The following EIF4ENIF1 variants were observed in gnomAD, a reference collection of about 807,000 sequenced individuals.
EIF4ENIF1 encodes the protein eukaryotic translation initiation factor 4E transporter.
Under a neutral mutation model 110.5 loss-of-function variants are expected in EIF4ENIF1, and 23 were observed. That is an observed-to-expected ratio of 0.21 (90% CI 0.15 to 0.29). The LOEUF (loss-of-function observed/expected upper bound fraction) is 0.29, where lower values mean the gene tolerates loss of function less well. EIF4ENIF1 is among the 10% of genes least tolerant of loss of function. EIF4ENIF1 has a pLI of 1.00. For synonymous variants in EIF4ENIF1, 440 were observed against 437.0 expected (o/e 1.01, Z -0.09); for missense variants, 1,031 against 1,221.1 (o/e 0.84, Z 2.32).
chr22:31,463,879 G>A lies in EIF4ENIF1; in HGVS notation c.387C>T (p.Ala129=), dbSNP rs200282990. The A allele has an allele frequency of 9.9e-6, 16 of 1,614,116 alleles. No individual in the cohort carries two copies. The highest frequency in any genetic ancestry group is 1.3e-5 in the African/African-American group (1 of 75,032). Residue 129 remains alanine (A), a synonymous_variant, in exon 5 of 19, where the codon GCC becomes GCT. Transcript: ENST00000330125. ...RSFGGGCHVT[A]AVSSRRSGSP... ...TTCCTGAGCGCCGGGAGCTAACAGC[G>A]GCTGTCACGTGGCAGCCCCCTCCAA...
In EIF4ENIF1 at chr22:31,488,705, C is replaced by T. The variant is rs754248544; in HGVS notation, c.14G>A (p.Ser5Asn). 2.5e-6 allele frequency: 4 copies of T among 1,614,134 alleles called. No homozygotes were observed. Among genetic ancestry groups the T allele is most frequent in the South Asian group, 1.1e-5 (1 of 91,088 alleles). Residue 5 changes from serine to asparagine, a missense_variant, in exon 2 of 19, where the codon AGT becomes AAT. By Grantham distance (46) the Ser-to-Asn change is conservative (BLOSUM62 1). Coordinates refer to ENST00000330125, the MANE Select transcript of EIF4ENIF1 (RefSeq NM_019843.4). MDRR[S>N]MGETESGDAF... ...ATCTCCACTTTCTGTTTCACCCATA[C>T]TTCTCCTATCCATGGCTCCTTGGTC...
intron 14 of EIF4ENIF1, among the ~76,000 whole-genome samples, chr22:31,445,903 C>G (rs1028036367): frequency 3.3e-5 from 5 of 150,996 alleles, no homozygotes; most frequent in Middle Eastern, 3.2e-3. Flanking sequence ...TTTGAGTAAG[C>G]CATGTTTTAA....
chr22:31,440,158 GAAGGA>G (rs2050248026), intron 18 of EIF4ENIF1, 37 bp from the exon 19 acceptor site: 1 of 1,613,758 alleles, frequency 6.2e-7, no homozygotes, highest in African/African-American at 1.3e-5. Flanking sequence ...CACAGCATGA[GAAGGA>G]AAGTTTATTA....
upstream of EIF4ENIF1, among the ~76,000 whole-genome samples, chr22:31,490,545 C>T (rs2045207243): frequency 6.6e-6 from 1 of 152,194 alleles, no homozygotes. Flanking sequence ...CTAACAAATT[C>T]ATTGAAATGT....
intron 2 of EIF4ENIF1, among the ~76,000 whole-genome samples, chr22:31,486,962 T>C (rs1324352113): frequency 6.6e-6 from 1 of 150,676 alleles, no homozygotes; most frequent in East Asian, 1.9e-4. Flanking sequence ...GACGCGTGCC[T>C]GTAATCCCAG....
chr22:31,442,407 TA>T (rs1408433631), intron 16 of EIF4ENIF1, among the ~76,000 whole-genome samples: 3 of 152,130 alleles, frequency 2.0e-5, no homozygotes, highest in Non-Finnish European at 4.4e-5. Context: ...CAAACTGTCT[TA>T]ATAGTACCAA....
chr22:31,445,378 A>C (rs1235623992), intron 14 of EIF4ENIF1, among the ~76,000 whole-genome samples: 4 of 152,336 alleles, frequency 2.6e-5, no homozygotes, highest in African/African-American at 9.6e-5. Context: ...GTCAAGGCCC[A>C]AGTATAGTCA....
chr22:31,468,119 G>A (rs568364988), intron 4 of EIF4ENIF1, 56 bp downstream of exon 4: 96 of 1,588,934 alleles, frequency 6.0e-5, no homozygotes, highest in Non-Finnish European at 7.9e-5. Context: ...GAAACCAGCA[G>A]GCAAAAGCAT....
At chr22:31,468,434 G>A (rs186901634) in intron 3 of EIF4ENIF1, 132 bp from the exon 4 acceptor site, 65 of 1,285,428 alleles carry the variant, frequency 5.1e-5, no homozygotes, top group African/African-American at 4.7e-4. Context: ...TCGCTCTGTC[G>A]CCCAGGATGG....
At chr22:31,446,301 T>G (rs1316239261) in intron 14 of EIF4ENIF1, among the ~76,000 whole-genome samples, 10 of 44,070 alleles carry the variant, frequency 2.3e-4, no homozygotes, top group South Asian at 9.3e-4. Context: ...AAAAAAAAAG[T>G]TAAAAGTACT....
chr22:31,452,037 T>C (rs2050691298), intron 10 of EIF4ENIF1, among the ~76,000 whole-genome samples: 1 of 152,220 alleles, frequency 6.6e-6, no homozygotes, highest in Non-Finnish European at 1.5e-5. Flanking sequence ...TAAGAGTCAT[T>C]TACTTCCATC....
chr22:31,456,422 A>T (rs1366969029), intron 7 of EIF4ENIF1, among the ~76,000 whole-genome samples: 3 of 151,580 alleles, frequency 2.0e-5, no homozygotes, highest in South Asian at 4.2e-4. Context: ...ACGGGGTTTT[A>T]CCGTGTTAGC....
chr22:31,475,721 TAAAAAA>T (rs11089509), intron 2 of EIF4ENIF1, among the ~76,000 whole-genome samples: 2 of 133,866 alleles, frequency 1.5e-5, no homozygotes, highest in Non-Finnish European at 3.2e-5. Flanking sequence ...AGACTCCGTT[TAAAAAA>T]AAAAAAAAAA....
chr22:31,478,068 G>C (rs141544178), intron 2 of EIF4ENIF1, among the ~76,000 whole-genome samples: 4 of 152,250 alleles, frequency 2.6e-5, no homozygotes, highest in African/African-American at 9.6e-5. Flanking sequence ...CAAGGTCCAC[G>C]TGGACATTTA....
intron 6 of EIF4ENIF1, among the ~76,000 whole-genome samples, chr22:31,461,456 G>A (rs1243357821): frequency 6.6e-6 from 1 of 151,750 alleles, no homozygotes. Flanking sequence ...TGGTTTTTTT[G>A]GAGACAGAGT....
chr22:31,458,962 C>T (rs1361862331), intron 6 of EIF4ENIF1, among the ~76,000 whole-genome samples: 1 of 128,660 alleles, frequency 7.8e-6, no homozygotes, highest in Non-Finnish European at 1.6e-5. Context: ...GGGTCTTGCT[C>T]TGTTGCACAG....
At chr22:31,462,791 C>T in intron 6 of EIF4ENIF1, 141 bp downstream of exon 6, 3 of 779,326 alleles carry the variant, frequency 3.8e-6, no homozygotes, top group Non-Finnish European at 6.0e-6. Flanking sequence ...CCATGTTGGC[C>T]AGGCTGGTCT....
upstream of EIF4ENIF1, among the ~76,000 whole-genome samples, chr22:31,491,983 G>GT (rs1173108024): frequency 6.6e-6 from 1 of 152,186 alleles, no homozygotes; most frequent in African/African-American, 2.4e-5. Flanking sequence ...GGGACGGCTG[G>GT]TTTCTGATCC....
intron 17 of EIF4ENIF1, 39 bp downstream of exon 17, chr22:31,441,735 C>G (rs760002062): frequency 6.5e-7 from 1 of 1,542,296 alleles, no homozygotes; most frequent in Non-Finnish European, 8.8e-7. Flanking sequence ...TCCCCTAGGC[C>G]CACAAACTGA....
Sources: gnomAD v4.1 joint callset for allele counts (sites outside exome capture counted in the v4.1 genomes callset) on GRCh38, gnomAD v4.1.1 for gene constraint, MANE v1.5 for transcripts, NCBI Gene and HGNC (gene_info 2026-07-23, HGNC 2026-07-21) for gene names.